MLLT3: variants seen among roughly 807,000 people sequenced by gnomAD.
MLLT3 encodes MLLT3 super elongation complex subunit.
Under a neutral mutation model 53.2 loss-of-function variants are expected in MLLT3, and 4 were observed. The ratio of observed to expected loss-of-function variants is 0.08; its 90% CI spans 0.04 to 0.17. The LOEUF (loss-of-function observed/expected upper bound fraction) is 0.17, where lower values mean the gene tolerates loss of function less well. Ranked by LOEUF, MLLT3 falls within the 10% of genes least tolerant of loss-of-function variation. MLLT3 has a pLI of 1.00. For synonymous variants in MLLT3, 283 were observed against 230.6 expected, an observed-to-expected ratio of 1.23 and a Z score of -2.06; for missense variants, 569 against 684.0, an observed-to-expected ratio of 0.83 and a Z score of 1.87.
intron 2 of MLLT3, among the ~76,000 whole-genome samples, chr9:20,552,672 T>C (rs1367952989): frequency 6.6e-6 from 1 of 152,184 alleles, no homozygotes; most frequent in African/African-American, 2.4e-5. Context: ...TAATCTACCT[T>C]GACATTCCTC....
chr9:20,442,529 C>T (rs1290617105), intron 4 of MLLT3, among the ~76,000 whole-genome samples: 1 of 152,112 alleles, frequency 6.6e-6, no homozygotes, highest in Non-Finnish European at 1.5e-5. Flanking sequence ...AGATTGTGAT[C>T]CATACAGTTG....
At chr9:20,518,838 G>C (rs568014438) in intron 2 of MLLT3, among the ~76,000 whole-genome samples, 101 of 152,208 alleles carry the variant, frequency 6.6e-4, no homozygotes, top group African/African-American at 2.3e-3. Flanking sequence ...AAAATATCAA[G>C]GTCATGAAAG....
At chr9:20,391,583 C>A (rs576591378) in intron 5 of MLLT3, among the ~76,000 whole-genome samples, 3 of 152,166 alleles carry the variant, frequency 2.0e-5, no homozygotes, top group African/African-American at 7.2e-5. Context: ...CTCACCTATC[C>A]ATCTATTTAT....
intron 5 of MLLT3, among the ~76,000 whole-genome samples, chr9:20,382,000 T>C (rs1821919942): frequency 6.6e-6 from 1 of 151,864 alleles, no homozygotes; most frequent in Non-Finnish European, 1.5e-5. Flanking sequence ...ACTTAAAAAT[T>C]CACTGGTAGA....
chr9:20,465,707 G>A (rs59023924), intron 2 of MLLT3, among the ~76,000 whole-genome samples: 12,753 of 152,042 alleles, frequency 0.084, 749 homozygotes, highest in East Asian at 0.21. Flanking sequence ...TTCAGAGGAA[G>A]GATTAAGAAC....
intron 5 of MLLT3, among the ~76,000 whole-genome samples, chr9:20,405,745 A>G (rs1234608178): frequency 6.6e-6 from 1 of 152,210 alleles, no homozygotes; most frequent in East Asian, 1.9e-4. Context: ...ATTCTCAGAG[A>G]GGATAACACA....
chr9:20,434,932 T>C (rs1377619068), intron 4 of MLLT3, among the ~76,000 whole-genome samples: 1 of 152,182 alleles, frequency 6.6e-6, no homozygotes, highest in Non-Finnish European at 1.5e-5. Flanking sequence ...CAGCTTCACT[T>C]AGGATTTGTT....
At chr9:20,476,146 C>T (rs141224072) in intron 2 of MLLT3, among the ~76,000 whole-genome samples, 5 of 151,902 alleles carry the variant, frequency 3.3e-5, no homozygotes, top group African/African-American at 7.2e-5. Context: ...CACAGTAAAC[C>T]TCAAACTCTA....
At chr9:20,354,467 C>A (rs1212404668) in intron 9 of MLLT3, among the ~76,000 whole-genome samples, 1 of 152,236 alleles carries the variant, frequency 6.6e-6, no homozygotes, top group Non-Finnish European at 1.5e-5. Context: ...GGAAAGCACA[C>A]TGCACTAGCA....
At chr9:20,499,361 G>A (rs1825161454) in intron 2 of MLLT3, among the ~76,000 whole-genome samples, 1 of 152,130 alleles carries the variant, frequency 6.6e-6, no homozygotes, top group African/African-American at 2.4e-5. Flanking sequence ...TGTTTAATAT[G>A]TTTTTAAAAC....
Position 20,622,356 on chromosome 9 carries a change from C to G in MLLT3, c.-100G>C. The G allele has an allele frequency of 2.6e-6, 3 of 1,147,268 alleles. No homozygotes were observed. The highest frequency in any genetic ancestry group is 3.6e-6 in the Non-Finnish European group (3 of 828,724). 71.1% of individuals were successfully genotyped at this position (1,147,268 alleles called of 1,614,324 possible). On this transcript the variant is annotated 5_prime_UTR_variant, in exon 1 of 11. Coordinates refer to ENST00000380338, the MANE Select transcript of MLLT3 (RefSeq NM_004529.4). ...ATGAAGAGGCTGCTATGAATGAGAG[C>G]GCGCCCAGGAGCGGAGGGTAGATGG...
rs545958595 is a variant in MLLT3 at position 20,421,687 on chromosome 9, C to A, written c.421-7262G>T. 6.6e-5 allele frequency among the ~76,000 whole-genome samples: 10 copies of A among 152,254 alleles called. No homozygotes were observed. The South Asian group carries it at 2.1e-3, about 32-fold the overall frequency. The stretch of plus-strand genomic sequence containing the variant: ...TTTACAATCTACTTCTCTACATTAA[C>A]TGAAAGAAGTGAAATTTCTTGCATG... On this transcript the variant is annotated intron_variant, in intron 4 of 10. Transcript: ENST00000380338.
rs1011149985 is a variant in MLLT3 at position 20,622,369 on chromosome 9, G to A, written c.-113C>T. 9.9e-7 allele frequency: 1 copy of A among 1,009,618 alleles called. No individual in the cohort carries two copies. Among genetic ancestry groups the A allele is most frequent in the Non-Finnish European group, 1.4e-6 (1 of 707,680 alleles). The allele number at this position is 1,009,618 out of a possible 1,614,324, so 62.5% of individuals were successfully genotyped here. A position where few individuals can be genotyped will look rare whatever the true frequency, so the allele number is the denominator to read the frequency against. On this transcript the variant is annotated 5_prime_UTR_variant, in exon 1 of 11. Coordinates refer to ENST00000380338, the MANE Select transcript of MLLT3 (RefSeq NM_004529.4). The stretch of plus-strand genomic sequence containing the variant: ...TATGAATGAGAGCGCGCCCAGGAGC[G>A]GAGGGTAGATGGCGGACATTCTCTG...
At chr9:20,412,116 G>C (rs1328455911) in intron 5 of MLLT3, among the ~76,000 whole-genome samples, 1 of 152,040 alleles carries the variant, frequency 6.6e-6, no homozygotes, top group Admixed American at 6.5e-5. Flanking sequence ...ATTGCAATGT[G>C]TTAGAATATA....
chr9:20,620,628 A>G lies in MLLT3; in HGVS notation c.193+26T>C, dbSNP rs775584831. 6.2e-7 allele frequency: 1 copy of G among 1,602,904 alleles called. No homozygotes were observed. The highest frequency in any genetic ancestry group is 2.2e-5 in the East Asian group (1 of 44,536). ...GATTGTTTCAAAGACATTTTTTATC[A>G]AGACCCTTTTGTATTCGAGCCCTAC... On this transcript the variant is annotated intron_variant, in intron 2 of 10. Transcript: ENST00000380338. The surrounding 1 kb of genome is among the most constrained non-coding windows in gnomAD (Gnocchi z 6.1).
intron 5 of MLLT3, among the ~76,000 whole-genome samples, chr9:20,408,806 C>T (rs1822652325): frequency 6.6e-6 from 1 of 152,126 alleles, no homozygotes; most frequent in Non-Finnish European, 1.5e-5. Context: ...CAGCTCCAGA[C>T]AGTTTAAGCA....
At chr9:20,545,578 C>T (rs1389425810) in intron 2 of MLLT3, among the ~76,000 whole-genome samples, 1 of 151,864 alleles carries the variant, frequency 6.6e-6, no homozygotes, top group Non-Finnish European at 1.5e-5. Flanking sequence ...AGTTTTTTTG[C>T]CACAATAAAA....
In MLLT3 at chr9:20,607,120, A is replaced by G. The variant is rs532134635; in HGVS notation, c.193+13534T>C. Among the ~76,000 whole-genome samples, 12 of 152,158 alleles carry G rather than the reference A, an allele frequency of 7.9e-5. No homozygotes were observed. The South Asian group carries it at 2.5e-3, about 32-fold the overall frequency. On this transcript the variant is annotated intron_variant, in intron 2 of 10. Transcript: ENST00000380338. ...ATAACAAAATTTTATGAGTATTTTT[A>G]TTTAATTTGGTGCCAATTTGGAATC...
At chr9:20,451,555 A>C (rs1823839400) in intron 3 of MLLT3, among the ~76,000 whole-genome samples, 1 of 152,190 alleles carries the variant, frequency 6.6e-6, no homozygotes, top group African/African-American at 2.4e-5. Flanking sequence ...AGAAAAAAGT[A>C]CTCATCAACT....
Sources: allele counts gnomAD v4.1 joint callset (sites outside exome capture counted in the v4.1 genomes callset), GRCh38; gene constraint gnomAD v4.1.1; non-coding constraint Gnocchi (gnomAD v3.1); transcripts MANE v1.5; gene names NCBI Gene and HGNC (gene_info 2026-07-23, HGNC 2026-07-21).